Variants in PCOLCE2 observed in about 807,000 individuals in gnomAD.
The protein encoded by PCOLCE2 is procollagen C-endopeptidase enhancer 2.
In PCOLCE2, 42 loss-of-function variants were observed where a neutral mutation model predicts 47.0. The ratio of observed to expected loss-of-function variants is 0.89; its 90% CI spans 0.70 to 1.16. The LOEUF is 1.16. PCOLCE2 is among the 50% of genes most tolerant of loss of function. The pLI, the probability that PCOLCE2 is intolerant of heterozygous loss-of-function variation, is 0.00. For missense variants in PCOLCE2, 500 were observed against 526.1 expected, an observed-to-expected ratio of 0.95 and a Z score of 0.49; for synonymous variants, 169 against 191.7, an observed-to-expected ratio of 0.88 and a Z score of 0.98.
chr3:142,843,240 G>A (rs1487461115), intron 3 of PCOLCE2, 192 bp from the exon 4 acceptor site: 4 of 669,260 alleles, frequency 6.0e-6, no homozygotes, highest in Non-Finnish European at 1.1e-5. Context: ...AATGATCTTT[G>A]TTACCTGACA....
At chr3:142,828,613 T>C (rs962087861) in intron 6 of PCOLCE2, among the ~76,000 whole-genome samples, 2 of 152,118 alleles carry the variant, frequency 1.3e-5, no homozygotes, top group African/African-American at 4.8e-5. Flanking sequence ...GGTGGAGAAG[T>C]AGGTCTGAGG....
intron 2 of PCOLCE2, among the ~76,000 whole-genome samples, chr3:142,868,339 G>A (rs1302234057): frequency 3.3e-5 from 5 of 152,276 alleles, no homozygotes; most frequent in Admixed American, 6.5e-5. Flanking sequence ...TCTTGGCCAA[G>A]GGCATTCCAA....
chr3:142,873,283 T>A (rs527706418), intron 2 of PCOLCE2, among the ~76,000 whole-genome samples: 2 of 151,694 alleles, frequency 1.3e-5, no homozygotes, highest in East Asian at 3.9e-4. Context: ...ATCCCAGCTA[T>A]TCAGGAGGCT....
intron 2 of PCOLCE2, among the ~76,000 whole-genome samples, chr3:142,852,687 T>G (rs1366798927): frequency 6.7e-6 from 1 of 148,930 alleles, no homozygotes; most frequent in Non-Finnish European, 1.5e-5. Context: ...TTATATATAT[T>G]TATGTATGTG....
chr3:142,819,430 G>A (rs1307003597), intron 8 of PCOLCE2, among the ~76,000 whole-genome samples: 1 of 152,196 alleles, frequency 6.6e-6, no homozygotes, highest in Non-Finnish European at 1.5e-5. Context: ...GAGCCTGAGA[G>A]TCTGGGCAGG....
In PCOLCE2 at chr3:142,888,806, C is replaced by T. The variant is rs1933767021; in HGVS notation, c.83+8G>A. ...AGAGAAAGGGAGCCCGGGCAGGGGTCGCGTTACCTCTCTGGGGACTGCTGC... is the reference window on the plus strand; with the variant it reads ...AGAGAAAGGGAGCCCGGGCAGGGGTTGCGTTACCTCTCTGGGGACTGCTGC... On this transcript the variant is annotated splice_region_variant and intron_variant, in intron 1 of 8. Transcript: ENST00000295992. 4 of 1,483,240 alleles carry T rather than the reference C, an allele frequency of 2.7e-6. No homozygotes were observed. The highest frequency in any genetic ancestry group is 2.3e-5 in the Admixed American group (1 of 43,016). The allele number at this position is 1,483,240 out of a possible 1,614,324, so 91.9% of individuals were successfully genotyped here. A position where few individuals can be genotyped will look rare whatever the true frequency, so the allele number is the denominator to read the frequency against.
intron 3 of PCOLCE2, chr3:142,846,621 C>T (rs1056109655): frequency 1.3e-5 from 2 of 152,164 alleles, no homozygotes; most frequent in Non-Finnish European, 2.9e-5. Flanking sequence ...TGTTAGACCA[C>T]TTGATATTGT....
intron 1 of PCOLCE2, 129 bp downstream of exon 1, chr3:142,888,685 G>T (rs887818680): frequency 7.5e-5 from 39 of 520,762 alleles, no homozygotes; most frequent in Non-Finnish European, 1.2e-4. Flanking sequence ...CCTGCACCGC[G>T]CGGGAGCGCA....
chr3:142,835,699 G>C (rs1387087991), intron 5 of PCOLCE2, among the ~76,000 whole-genome samples: 2 of 152,182 alleles, frequency 1.3e-5, no homozygotes, highest in Non-Finnish European at 2.9e-5. Context: ...CTGGAGTGCA[G>C]TGGCACGATT....
intron 2 of PCOLCE2, among the ~76,000 whole-genome samples, chr3:142,882,593 T>TTTTTTTTTTTTTTTTTTTTTTTTTTTTTG (rs1560143101): frequency 2.0e-5 from 3 of 151,468 alleles, no homozygotes; most frequent in African/African-American, 2.4e-5. Context: ...TATTATACTT[T>TTTTTTTTTTTTTTTTTTTTTTTTTTTTTG]AGAGAAGAGG....
chr3:142,847,736 C>G (rs1431053632), intron 3 of PCOLCE2, among the ~76,000 whole-genome samples: 1 of 150,968 alleles, frequency 6.6e-6, no homozygotes, highest in South Asian at 2.1e-4. Flanking sequence ...GGGGTTTCAC[C>G]ATTTTGCCCA....
intron 7 of PCOLCE2, among the ~76,000 whole-genome samples, chr3:142,822,765 G>A (rs923232818): frequency 2.0e-5 from 3 of 152,172 alleles, no homozygotes; most frequent in Non-Finnish European, 4.4e-5. Context: ...CTATGATACA[G>A]CTCGTCTGGA....
chr3:142,880,315 C>A (rs1933589092), intron 2 of PCOLCE2, among the ~76,000 whole-genome samples: 1 of 151,398 alleles, frequency 6.6e-6, no homozygotes, highest in Non-Finnish European at 1.5e-5. Context: ...CAGTTTAAAG[C>A]CAAGAAATAT....
At chr3:142,835,068 A>G (rs1937187997) in intron 5 of PCOLCE2, among the ~76,000 whole-genome samples, 2 of 151,914 alleles carry the variant, frequency 1.3e-5, no homozygotes, top group Admixed American at 6.6e-5. Context: ...AGTGTTCTCT[A>G]TTTGTCTATT....
intron 2 of PCOLCE2, among the ~76,000 whole-genome samples, chr3:142,851,560 T>C (rs771432567): frequency 3.9e-5 from 6 of 152,000 alleles, no homozygotes; most frequent in Non-Finnish European, 7.4e-5. Context: ...ACCAAGACTG[T>C]GGTGGAGTAA....
rs777278188 is a variant in PCOLCE2, at chr3:142,818,426, C to T, written c.1157G>A (p.Gly386Glu). 6.2e-7 allele frequency: 1 copy of T among 1,612,628 alleles called. No individual in the cohort carries two copies. The highest frequency in any genetic ancestry group is 1.7e-5 in the Admixed American group (1 of 59,980). ...GCTGTTTGGCATGATTTTGCCTCGC[C>T]CATCTTCACCTACTTGGCCCATAAT... ...YIIMGQVGED[G>E]RGKIMPNSFI... is the part of the protein sequence containing the mutation. Residue 386 changes from glycine to glutamate, a missense_variant, in exon 9 of 9, where the codon GGG becomes GAG. Gly to Glu is a moderately conservative substitution (Grantham distance 98). Transcript: ENST00000295992.
At chr3:142,888,647 G>A (rs1933763672) in intron 1 of PCOLCE2, 167 bp downstream of exon 1, 5 of 448,302 alleles carry the variant, frequency 1.1e-5, no homozygotes, top group Non-Finnish European at 2.0e-5. Flanking sequence ...CGAAGTCCCG[G>A]GCTTAGCCTA....
chr3:142,823,752 A>G (rs1486491003), intron 6 of PCOLCE2, 137 bp from the exon 7 acceptor site: 1 of 602,996 alleles, frequency 1.7e-6, no homozygotes, highest in Non-Finnish European at 3.0e-6. Flanking sequence ...AAAATTTAAA[A>G]CCACGCAAAA....
chr3:142,838,732 C>A (rs1233297430), intron 5 of PCOLCE2, 38 bp downstream of exon 5: 7 of 1,567,434 alleles, frequency 4.5e-6, no homozygotes, highest in Non-Finnish European at 6.1e-6. Flanking sequence ...AAGTTTAGAG[C>A]CATAAAACTA....
Sources: gnomAD v4.1 joint callset for allele counts (sites outside exome capture counted in the v4.1 genomes callset) on GRCh38, gnomAD v4.1.1 for gene constraint, MANE v1.5 for transcripts, NCBI Gene and HGNC (gene_info 2026-07-23, HGNC 2026-07-21) for gene names.